TGFBR3: variants seen among roughly 807,000 people sequenced by gnomAD.
The protein encoded by TGFBR3 is transforming growth factor beta receptor type 3.
In TGFBR3, 46 loss-of-function variants were observed where a neutral mutation model predicts 87.9. That is an observed-to-expected ratio of 0.52 (90% CI 0.41 to 0.67). TGFBR3 has a LOEUF of 0.67. TGFBR3 is among the 30% of genes least tolerant of loss of function. The pLI, the probability that TGFBR3 is intolerant of heterozygous loss-of-function variation, is 0.00. For synonymous variants in TGFBR3, 381 were observed against 391.6 expected, an observed-to-expected ratio of 0.97 and a Z score of 0.32; for missense variants, 866 against 1,041.9, an observed-to-expected ratio of 0.83 and a Z score of 2.32.
intron 4 of TGFBR3, among the ~76,000 whole-genome samples, chr1:91,738,880 A>G (rs11165399): frequency 0.32 from 48,644 of 152,110 alleles, 7,835 homozygotes; most frequent in Middle Eastern, 0.38. Context: ...TTAAAGTCTA[A>G]TAAGACAGCC....
chr1:91,853,234 C>G (rs1354986602), intron 2 of TGFBR3, among the ~76,000 whole-genome samples: 1 of 128,164 alleles, frequency 7.8e-6, no homozygotes, highest in Non-Finnish European at 1.6e-5. Flanking sequence ...AATCAACTAG[C>G]TGTGTTCTAA....
chr1:91,728,386 C>A (rs1483484761), intron 6 of TGFBR3, among the ~76,000 whole-genome samples: 1 of 152,178 alleles, frequency 6.6e-6, no homozygotes, highest in Non-Finnish European at 1.5e-5. Flanking sequence ...TCTGCATTTA[C>A]TTTCCCAAAC....
At chr1:91,857,533 C>T (rs896905242) in intron 2 of TGFBR3, among the ~76,000 whole-genome samples, 2 of 152,186 alleles carry the variant, frequency 1.3e-5, no homozygotes, top group African/African-American at 4.8e-5. Context: ...AGGGCTTCCC[C>T]TCGTGACCCC....
Position 91,873,864 on chromosome 1 carries a change from G to A in TGFBR3, c.-114+12014C>T, listed in dbSNP as rs542281609. Among the ~76,000 whole-genome samples the A allele has an allele frequency of 2.3e-3, 353 of 152,098 alleles. 2 individuals are homozygous for A. The highest frequency in any genetic ancestry group is 8.1e-3 in the African/African-American group (338 of 41,518). Reference sequence around the variant, plus strand: ...ACTTGGGAGGATGAGGCAGGAGAATGGCTTGAACCCGGGAGGCAGAGGTTG... The same window carrying A: ...ACTTGGGAGGATGAGGCAGGAGAATAGCTTGAACCCGGGAGGCAGAGGTTG... On this transcript the variant is annotated intron_variant, in intron 1 of 16. Coordinates refer to ENST00000212355, the MANE Select transcript of TGFBR3 (RefSeq NM_003243.5).
chr1:91,681,830 G>A lies in TGFBR3; in HGVS notation c.*1909C>T. 1 of 453,274 alleles carries A rather than the reference G, an allele frequency of 2.2e-6. No individual in the cohort carries two copies. The highest frequency in any genetic ancestry group is 4.4e-6 in the Non-Finnish European group (1 of 226,602). 28.1% of individuals were successfully genotyped at this position (453,274 alleles called of 1,614,324 possible). A position where few individuals can be genotyped will look rare whatever the true frequency, so the allele number is the denominator to read the frequency against. On this transcript the variant is annotated 3_prime_UTR_variant, in exon 17 of 17. Coordinates refer to ENST00000212355, the MANE Select transcript of TGFBR3 (RefSeq NM_003243.5). ...GCTGAAACAATACATTCCACCGAAG[G>A]TTAGGCAAAGCGCAATATTTTCAAA...
At chr1:91,837,662 G>C (rs777584654) in intron 2 of TGFBR3, among the ~76,000 whole-genome samples, 1 of 152,130 alleles carries the variant, frequency 6.6e-6, no homozygotes, top group Non-Finnish European at 1.5e-5. Flanking sequence ...ATTCACATAA[G>C]TTTACACATA....
intron 14 of TGFBR3, among the ~76,000 whole-genome samples, chr1:91,707,333 C>A (rs1376037813): frequency 6.6e-6 from 1 of 152,242 alleles, no homozygotes; most frequent in Non-Finnish European, 1.5e-5. Flanking sequence ...GGGGCAGATG[C>A]CACCACCAGA....
intron 4 of TGFBR3, among the ~76,000 whole-genome samples, chr1:91,743,647 T>C (rs1673231919): frequency 6.6e-6 from 1 of 152,228 alleles, no homozygotes; most frequent in South Asian, 2.1e-4. Context: ...TCCATGGGTA[T>C]ACCCCAAGTG....
At position 91,785,943 on chromosome 1, in the gene TGFBR3, T is replaced by C. The variant is rs1674940911; in HGVS notation, c.246+11344A>G. Among the ~76,000 whole-genome samples the C allele has an allele frequency of 2.6e-5, 4 of 152,030 alleles. No individual in the cohort carries two copies. The South Asian group carries it at 8.3e-4, about 32-fold the overall frequency. ...TACTATGCCTGGCTGTTTGTATTTTTGATAGAAACAGGGTTTTGCCATATT... is the reference window on the plus strand; with the variant it reads ...TACTATGCCTGGCTGTTTGTATTTTCGATAGAAACAGGGTTTTGCCATATT... On this transcript the variant is annotated intron_variant, in intron 3 of 16. Transcript: ENST00000212355.
At chr1:91,746,583 G>T (rs555978268) in intron 4 of TGFBR3, among the ~76,000 whole-genome samples, 1 of 152,216 alleles carries the variant, frequency 6.6e-6, no homozygotes, top group Admixed American at 6.5e-5. Context: ...TCCTCCAAAT[G>T]TGCTCCTGGA....
rs927443369 is a variant in TGFBR3, at chr1:91,683,486, A to C, written c.*253T>G. 7 of 675,992 alleles carry C rather than the reference A, an allele frequency of 1.0e-5. No individual in the cohort carries two copies. The highest frequency in any genetic ancestry group is 8.1e-5 in the Admixed American group (4 of 49,188). 41.9% of individuals were successfully genotyped at this position (675,992 alleles called of 1,614,324 possible). A position where few individuals can be genotyped will look rare whatever the true frequency, so the allele number is the denominator to read the frequency against. On this transcript the variant is annotated 3_prime_UTR_variant, in exon 17 of 17. Coordinates refer to ENST00000212355, the MANE Select transcript of TGFBR3 (RefSeq NM_003243.5). ...CCCCAAGCCTGTGAGGGGCTGGTGG[A>C]GAAGACCACCATTTTAGCTTTCTCA...
chr1:91,795,498 G>A (rs1169006725), intron 3 of TGFBR3, among the ~76,000 whole-genome samples: 1 of 152,104 alleles, frequency 6.6e-6, no homozygotes, highest in Non-Finnish European at 1.5e-5. Context: ...ACTCCTCGAG[G>A]TATTTTTCTC....
chr1:91,833,260 C>T (rs1676923247), intron 2 of TGFBR3, among the ~76,000 whole-genome samples: 1 of 143,906 alleles, frequency 6.9e-6, no homozygotes, highest in Non-Finnish European at 1.5e-5. Context: ...CACTCCATTG[C>T]ACTCCAGCCC....
chr1:91,734,362 C>G (rs749863843), intron 5 of TGFBR3, among the ~76,000 whole-genome samples: 1 of 152,164 alleles, frequency 6.6e-6, no homozygotes, highest in African/African-American at 2.4e-5. Context: ...AGGCTTCAAA[C>G]GTTTGCAGAA....
intron 3 of TGFBR3, among the ~76,000 whole-genome samples, chr1:91,774,768 T>G (rs965630879): frequency 3.9e-5 from 6 of 152,158 alleles, no homozygotes; most frequent in Non-Finnish European, 8.8e-5. Flanking sequence ...TGCAAAGTTA[T>G]GAAATTCTCT....
Position 91,712,321 on chromosome 1 carries a change from G to A in TGFBR3, c.2088C>T (p.Phe696=). The change falls in exon 13 of 17, where the codon TTC becomes TTT. Residue 696 remains phenylalanine (F), a synonymous_variant. Coordinates refer to ENST00000212355, the MANE Select transcript of TGFBR3 (RefSeq NM_003243.5). ...ACTGTAGAAAGAGCAGTGAGGTGTT[G>A]AAGACAGGCTTGAAGACAAAGCTGA... The part of the protein sequence containing the change: ...KRFSFVFKPV[F]NTSLLFLQCE... The A allele has an allele frequency of 6.2e-7, 1 of 1,614,208 alleles. No homozygotes were observed. The highest frequency in any genetic ancestry group is 8.5e-7 in the Non-Finnish European group (1 of 1,180,026).
At chr1:91,857,114 T>G (rs1371426381) in intron 2 of TGFBR3, among the ~76,000 whole-genome samples, 2 of 152,220 alleles carry the variant, frequency 1.3e-5, no homozygotes, top group Non-Finnish European at 2.9e-5. Flanking sequence ...CAAGCACTGC[T>G]GGGTCTGAAG....
At chr1:91,790,534 G>C (rs1046769894) in intron 3 of TGFBR3, among the ~76,000 whole-genome samples, 2 of 152,134 alleles carry the variant, frequency 1.3e-5, no homozygotes, top group Non-Finnish European at 1.5e-5. Context: ...TGTCAAGCTG[G>C]GTGATTTCCA....
At chr1:91,709,784 C>A (rs1266371508) in intron 13 of TGFBR3, among the ~76,000 whole-genome samples, 1 of 152,118 alleles carries the variant, frequency 6.6e-6, no homozygotes, top group Non-Finnish European at 1.5e-5. Flanking sequence ...TTTCTTGAGA[C>A]AGGGTCTTGC....
Sources: allele counts gnomAD v4.1 joint callset (sites outside exome capture counted in the v4.1 genomes callset), GRCh38; gene constraint gnomAD v4.1.1; transcripts MANE v1.5; gene names NCBI Gene and HGNC (gene_info 2026-07-23, HGNC 2026-07-21).